Variants in CALN1 observed in about 807,000 individuals in gnomAD.
The protein encoded by CALN1 is calneuron 1.
Under a neutral mutation model 30.6 loss-of-function variants are expected in CALN1, and 17 were observed. The observed-to-expected ratio is 0.56, with a 90% confidence interval of 0.38 to 0.83. CALN1 has a LOEUF of 0.83. CALN1 is among the 40% of genes least tolerant of loss of function. The pLI, the probability that CALN1 is intolerant of heterozygous loss-of-function variation, is 0.00. For synonymous variants in CALN1, 156 were observed against 131.4 expected (o/e 1.19, Z -1.28); for missense variants, 291 against 354.9 (o/e 0.82, Z 1.45).
At chr7:72,248,951 G>T (rs1047669240) in intron 3 of CALN1, among the ~76,000 whole-genome samples, 4 of 152,102 alleles carry the variant, frequency 2.6e-5, no homozygotes, top group African/African-American at 9.7e-5. Context: ...CAAGATATAA[G>T]AGAAAGGCTT....
At position 72,260,295 on chromosome 7, in the gene CALN1, C is replaced by T. The variant is rs139550257; in HGVS notation, c.244+18391G>A. The stretch of plus-strand genomic sequence containing the variant: ...AAGCATGGATTAGCAACTGATGTTA[C>T]CCTTTTTGTTGAACTCCTTTGACAA... On this transcript the variant is annotated intron_variant, in intron 3 of 6. Transcript: ENST00000395275. 5.2e-3 allele frequency among the ~76,000 whole-genome samples: 798 copies of T among 152,316 alleles called. 6 individuals are homozygous for T. Among genetic ancestry groups the T allele is most frequent in the Admixed American group, 6.9e-3 (106 of 15,298 alleles).
intron 3 of CALN1, among the ~76,000 whole-genome samples, chr7:72,272,538 G>C (rs991091137): frequency 2.0e-5 from 3 of 152,088 alleles, no homozygotes; most frequent in Admixed American, 6.6e-5. Context: ...CTCCAGCCTA[G>C]GCGACAGAGC....
chr7:72,207,819 A>G (rs1435312678), intron 3 of CALN1, among the ~76,000 whole-genome samples: 2 of 152,130 alleles, frequency 1.3e-5, no homozygotes, highest in African/African-American at 2.4e-5. Flanking sequence ...ATTATTCTTT[A>G]TTCTTCATAC....
chr7:72,278,715 A>T lies in CALN1; in HGVS notation c.215T>A (p.Leu72Gln). ...SLSAGSDSEQ[L>Q]ANISVEELDE... is the part of the protein sequence containing the mutation. ...GAGCTCCTCCACGGAGATATTAGCCAGCTGTTCGCTGTCACTGCCAGCAGA... is the reference window on the plus strand; with the variant it reads ...GAGCTCCTCCACGGAGATATTAGCCTGCTGTTCGCTGTCACTGCCAGCAGA... The change falls in exon 3 of 7, where the codon CTG (leucine) becomes CAG (glutamine). Residue 72 changes from leucine (L) to glutamine (Q), a missense_variant. Leu to Gln is a moderately radical substitution (Grantham distance 113, BLOSUM62 -2). Transcript: ENST00000395275. 1 of 1,613,928 alleles carries T rather than the reference A, an allele frequency of 6.2e-7. No homozygotes were observed. The highest frequency in any genetic ancestry group is 8.5e-7 in the Non-Finnish European group (1 of 1,179,808).
chr7:71,882,849 T>TC (rs1299426703), intron 5 of CALN1, among the ~76,000 whole-genome samples: 2 of 136,976 alleles, frequency 1.5e-5, no homozygotes, highest in Non-Finnish European at 3.1e-5. Context: ...GCCCATCTAA[T>TC]TTGTGTGTGT....
chr7:72,226,391 A>G (rs924143839), intron 3 of CALN1, among the ~76,000 whole-genome samples: 1 of 151,662 alleles, frequency 6.6e-6, no homozygotes, highest in Non-Finnish European at 1.5e-5. Context: ...GACCCAATGC[A>G]TAGTCTAGCC....
At chr7:71,966,366 A>G (rs1337401402) in intron 5 of CALN1, among the ~76,000 whole-genome samples, 2 of 152,142 alleles carry the variant, frequency 1.3e-5, no homozygotes, top group African/African-American at 4.8e-5. Context: ...CTCATGTTCA[A>G]TTGTAATCCT....
At chr7:72,079,847 T>C (rs1293066043) in intron 4 of CALN1, among the ~76,000 whole-genome samples, 3 of 142,606 alleles carry the variant, frequency 2.1e-5, no homozygotes, top group Non-Finnish European at 3.0e-5. Context: ...CTCGGCTCAC[T>C]GCAGCCTCCA....
chr7:72,246,560 C>G (rs1326877105), intron 3 of CALN1, among the ~76,000 whole-genome samples: 1 of 152,086 alleles, frequency 6.6e-6, no homozygotes. Context: ...TTACCAGATT[C>G]TCTTTCGAGA....
At chr7:72,333,683 A>T (rs1345269294) in intron 2 of CALN1, among the ~76,000 whole-genome samples, 1 of 139,602 alleles carries the variant, frequency 7.2e-6, no homozygotes, top group Non-Finnish European at 1.6e-5. Context: ...ACAGAAAGGG[A>T]ATATGCAGAA....
chr7:72,126,762 T>A (rs1377726125), intron 3 of CALN1, among the ~76,000 whole-genome samples: 1 of 125,440 alleles, frequency 8.0e-6, no homozygotes, highest in African/African-American at 3.0e-5. Flanking sequence ...TCCAGCTCCA[T>A]CCAATTTGCT....
chr7:72,388,058 T>C (rs1437128633), intron 2 of CALN1, among the ~76,000 whole-genome samples: 1 of 152,152 alleles, frequency 6.6e-6, no homozygotes, highest in Non-Finnish European at 1.5e-5. Context: ...CCATTGACTT[T>C]TAATGGTGAA....
intron 6 of CALN1, among the ~76,000 whole-genome samples, chr7:71,805,050 C>T (rs1349702634): frequency 3.3e-5 from 5 of 152,196 alleles, no homozygotes; most frequent in South Asian, 2.1e-4. Flanking sequence ...CCTTGTGCTG[C>T]CCACAGCAGC....
intron 2 of CALN1, among the ~76,000 whole-genome samples, chr7:72,305,142 A>C (rs1278333902): frequency 3.3e-5 from 5 of 152,186 alleles, no homozygotes; most frequent in Non-Finnish European, 5.9e-5. Context: ...GCCAGGACAG[A>C]CATGTGCCTC....
chr7:71,946,995 TTG>T (rs1197178585), intron 5 of CALN1, among the ~76,000 whole-genome samples: 5 of 151,480 alleles, frequency 3.3e-5, no homozygotes, highest in Non-Finnish European at 5.9e-5. Flanking sequence ...TTGGTGGGAG[TTG>T]TGTTTTTGTT....
At chr7:71,860,805 A>C (rs943288380) in intron 5 of CALN1, among the ~76,000 whole-genome samples, 3 of 152,124 alleles carry the variant, frequency 2.0e-5, no homozygotes, top group African/African-American at 7.2e-5. Context: ...GTAAACTTCC[A>C]GGGAGCACTC....
At position 72,195,336 on chromosome 7, in the gene CALN1, C is replaced by A. The variant is rs554384921; in HGVS notation, c.244+83350G>T. 1.1e-4 allele frequency among the ~76,000 whole-genome samples: 17 copies of A among 152,302 alleles called. No individual in the cohort carries two copies. In the South Asian group the frequency reaches 3.5e-3, roughly 32 times the overall value. ...TTCAGGCACATATTTAAGTGCATAA[C>A]TTTCCCACAGCTGGAAAATAAGTAT... On this transcript the variant is annotated intron_variant, in intron 3 of 6. Coordinates refer to ENST00000395275, the MANE Select transcript of CALN1 (RefSeq NM_031468.4).
At chr7:71,798,366 G>A (rs1787089887) in intron 6 of CALN1, among the ~76,000 whole-genome samples, 1 of 152,034 alleles carries the variant, frequency 6.6e-6, no homozygotes, top group South Asian at 2.1e-4. Context: ...TCTGGGGGCA[G>A]AGCAGTGGTA....
intron 4 of CALN1, among the ~76,000 whole-genome samples, chr7:72,061,272 C>G (rs371247252): frequency 2.6e-5 from 4 of 152,194 alleles, no homozygotes; most frequent in African/African-American, 9.6e-5. Flanking sequence ...GAAAATTTGA[C>G]CTGTATAAGA....
Sources: gnomAD v4.1 joint callset for allele counts (sites outside exome capture counted in the v4.1 genomes callset) on GRCh38, gnomAD v4.1.1 for gene constraint, MANE v1.5 for transcripts, NCBI Gene and HGNC (gene_info 2026-07-23, HGNC 2026-07-21) for gene names.